The following CFAP74 variants were observed in gnomAD, a reference collection of about 807,000 sequenced individuals.
The protein encoded by CFAP74 is cilia and flagella associated protein 74.
Under a neutral mutation model 188.9 loss-of-function variants are expected in CFAP74, and 124 were observed. The observed-to-expected ratio is 0.66, with a 90% confidence interval of 0.57 to 0.76. The LOEUF (loss-of-function observed/expected upper bound fraction) is 0.76, where lower values mean the gene tolerates loss of function less well. CFAP74 is among the 30% of genes least tolerant of loss of function. The probability of loss-of-function intolerance (pLI) is 0.00; values close to 1 mark genes in which losing one functional copy is unlikely to be tolerated. For synonymous variants in CFAP74, 956 were observed against 916.7 expected (o/e 1.04, Z -0.77); for missense variants, 2,198 against 2,165.2 (o/e 1.02, Z -0.30).
At chr1:1,970,603 C>T in intron 10 of CFAP74, 56 bp downstream of exon 10, 4 of 1,548,496 alleles carry the variant, frequency 2.6e-6, no homozygotes, top group South Asian at 2.4e-5. Context: ...TTGGCTCTCC[C>T]TGCACCCACT....
At chr1:1,967,029 G>T (rs572038254) in intron 11 of CFAP74, among the ~76,000 whole-genome samples, 1 of 152,230 alleles carries the variant, frequency 6.6e-6, no homozygotes, top group South Asian at 2.1e-4. Context: ...GTAGAGATGG[G>T]GTTTCACTAT....
In CFAP74 at chr1:1,963,657, G is replaced by C. The variant is rs1014328486; in HGVS notation, c.1694+92C>G. ...GGACCTGAGGGCTTATGCCCATATA[G>C]AGCCTGTTCCAGCCGTTCTGAACAT... is the stretch of plus-strand genomic sequence containing the variant. On this transcript the variant is annotated intron_variant, in intron 14 of 38. Transcript: ENST00000682832. 1.5e-5 allele frequency: 12 copies of C among 776,160 alleles called. No homozygotes were observed. In the South Asian group the frequency reaches 2.0e-4, roughly 13 times the overall value. 48.1% of individuals were successfully genotyped at this position (776,160 alleles called of 1,614,324 possible).
At chr1:1,949,087 T>C (rs2102054782) in intron 18 of CFAP74, among the ~76,000 whole-genome samples, 2 of 115,850 alleles carry the variant, frequency 1.7e-5, no homozygotes, top group African/African-American at 3.4e-5. Context: ...CCCTCCTTCC[T>C]CCCTCCCTCC....
At chr1:1,945,720 C>T (rs1158460582) in intron 20 of CFAP74, among the ~76,000 whole-genome samples, 4 of 151,394 alleles carry the variant, frequency 2.6e-5, no homozygotes, top group Non-Finnish European at 5.9e-5. Flanking sequence ...CCCAGCTACT[C>T]GAGAGGTTGA....
At position 1,956,889 on chromosome 1, in the gene CFAP74, T is replaced by G. The variant is rs1654680635; in HGVS notation, c.1852-105A>C. 6 of 1,176,628 alleles carry G rather than the reference T, an allele frequency of 5.1e-6. No individual in the cohort carries two copies. In the Admixed American group the frequency reaches 1.3e-4, roughly 26 times the overall value. 72.9% of individuals were successfully genotyped at this position (1,176,628 alleles called of 1,614,324 possible). On this transcript the variant is annotated intron_variant, in intron 16 of 38. Transcript: ENST00000682832. The stretch of plus-strand genomic sequence containing the variant: ...CAGGCAGGGCTGCCCTGAGCATTTG[T>G]GCGCGTTGTGCACTGCACAAGCAGG...
intron 6 of CFAP74, among the ~76,000 whole-genome samples, chr1:1,979,077 A>G (rs78628571): frequency 1.7e-4 from 14 of 81,908 alleles, no homozygotes; most frequent in South Asian, 4.7e-4. Context: ...TGCGTGTGGT[A>G]CTGAGCTGGG....
intron 25 of CFAP74, among the ~76,000 whole-genome samples, chr1:1,937,008 G>A (rs1331541609): frequency 1.3e-5 from 2 of 152,218 alleles, no homozygotes; most frequent in African/African-American, 4.8e-5. Flanking sequence ...ATTGTTATGA[G>A]ACGAGAGAGA....
chr1:1,939,786 A>C lies in CFAP74; in HGVS notation c.2704-19T>G. The C allele has an allele frequency of 6.5e-7, 1 of 1,527,672 alleles. No homozygotes were observed. The highest frequency in any genetic ancestry group is 8.8e-7 in the Non-Finnish European group (1 of 1,139,780). The allele number at this position is 1,527,672 out of a possible 1,614,324, so 94.6% of individuals were successfully genotyped here. A position where few individuals can be genotyped will look rare whatever the true frequency, so the allele number is the denominator to read the frequency against. On this transcript the variant is annotated intron_variant, in intron 23 of 38. Coordinates refer to ENST00000682832, the MANE Select transcript of CFAP74 (RefSeq NM_001304360.2). Reference sequence around the variant, plus strand: ...GCTTGTTCTGAGACATAAAGGGCACAGGCGCCCTCGCAGCCACTCGGAGAC... The same window carrying C: ...GCTTGTTCTGAGACATAAAGGGCACCGGCGCCCTCGCAGCCACTCGGAGAC...
At chr1:2,001,558 C>T (rs902529906) in intron 1 of CFAP74, among the ~76,000 whole-genome samples, 1 of 152,162 alleles carries the variant, frequency 6.6e-6, no homozygotes, top group Non-Finnish European at 1.5e-5. Context: ...GATCTACTGA[C>T]CTCGTGATCC....
chr1:1,980,777 G>C (rs140974339), intron 6 of CFAP74, among the ~76,000 whole-genome samples: 2 of 152,316 alleles, frequency 1.3e-5, no homozygotes, highest in Non-Finnish European at 2.9e-5. Context: ...CCTCCACGGG[G>C]TCTCTCTCGG....
intron 17 of CFAP74, 95 bp from the exon 18 acceptor site, chr1:1,955,945 G>T: frequency 1.4e-6 from 2 of 1,478,700 alleles, no homozygotes; most frequent in African/African-American, 1.4e-5. Context: ...CCGTGTTGGG[G>T]GCTGGACCCT....
chr1:1,980,816 C>T (rs1656792822), intron 6 of CFAP74, among the ~76,000 whole-genome samples: 1 of 152,240 alleles, frequency 6.6e-6, no homozygotes. Flanking sequence ...AGCCCAACCC[C>T]CTGCCCAGAC....
chr1:1,971,118 T>A (rs1490890039), intron 9 of CFAP74, among the ~76,000 whole-genome samples: 1 of 130,960 alleles, frequency 7.6e-6, no homozygotes, highest in Non-Finnish European at 1.5e-5. Flanking sequence ...TGCACACACA[T>A]GCTCACACGT....
At chr1:1,929,004 T>C (rs1343359083) in intron 26 of CFAP74, 122 bp from the exon 27 acceptor site, 1 of 645,418 alleles carries the variant, frequency 1.5e-6, no homozygotes, top group Non-Finnish European at 2.7e-6. Flanking sequence ...CCCTTGAGAT[T>C]TCAGGCTGCG....
chr1:2,003,400 G>T (rs1658298118), intron 1 of CFAP74, among the ~76,000 whole-genome samples: 1 of 152,140 alleles, frequency 6.6e-6, no homozygotes, highest in African/African-American at 2.4e-5. Flanking sequence ...ACACTCACGA[G>T]TCTTAACTGT....
intron 17 of CFAP74, 133 bp from the exon 18 acceptor site, chr1:1,955,983 C>T (rs1331340975): frequency 7.1e-7 from 1 of 1,417,302 alleles, no homozygotes; most frequent in Non-Finnish European, 9.3e-7. Context: ...TCAGCTGCCT[C>T]CTCGGCTGCC....
intron 1 of CFAP74, among the ~76,000 whole-genome samples, chr1:1,993,913 C>T (rs369257389): frequency 3.5e-4 from 52 of 149,870 alleles, no homozygotes; most frequent in East Asian, 2.6e-3. Flanking sequence ...ACCCGGGAGG[C>T]GGAGCTTGCA....
Position 1,959,134 on chromosome 1 carries a change from T to C in CFAP74, c.1837A>G (p.Thr613Ala). Residue 613 changes from threonine (T) to alanine (A), a missense_variant, in exon 16 of 39, where the codon ACA becomes GCA. Coordinates refer to ENST00000682832, the MANE Select transcript of CFAP74 (RefSeq NM_001304360.2). ...TTTGAACTCACCGAACATTTCTTTG[T>C]TGAACATTTCAGTGGAACTGAAAAC... ...GEFSVPLKCS[T>A]KKCSLSLDKE... 1 of 1,611,816 alleles carries C rather than the reference T, an allele frequency of 6.2e-7. No individual in the cohort carries two copies. Among genetic ancestry groups the C allele is most frequent in the South Asian group, 1.1e-5 (1 of 91,032 alleles).
Position 1,973,909 on chromosome 1 carries a change from G to A in CFAP74, c.674+116C>T. On this transcript the variant is annotated intron_variant, in intron 7 of 38. Transcript: ENST00000682832. The surrounding 1 kb of genome is among the most constrained non-coding windows in gnomAD (Gnocchi z 6.2). The stretch of plus-strand genomic sequence containing the variant: ...TGGGAGGAGGCAGGGAGGGGTGGAG[G>A]TGGATCTGGACAGATGTGGAGGGCG... 1.0e-6 allele frequency: 1 copy of A among 990,512 alleles called. No individual in the cohort carries two copies. The highest frequency in any genetic ancestry group is 1.4e-6 in the Non-Finnish European group (1 of 709,630). 61.4% of individuals were successfully genotyped at this position (990,512 alleles called of 1,614,324 possible).
Sources: allele counts gnomAD v4.1 joint callset (sites outside exome capture counted in the v4.1 genomes callset), GRCh38; gene constraint gnomAD v4.1.1; non-coding constraint Gnocchi (gnomAD v3.1); transcripts MANE v1.5; gene names NCBI Gene and HGNC (gene_info 2026-07-23, HGNC 2026-07-21).